CA8: variants seen among roughly 807,000 people sequenced by gnomAD.
The protein encoded by CA8 is carbonic anhydrase-related protein.
CA8 carries 22 observed loss-of-function variants against 41.4 expected under a neutral mutation model. That is an observed-to-expected ratio of 0.53 (90% confidence interval 0.38 to 0.76). The LOEUF (loss-of-function observed/expected upper bound fraction) is 0.76. CA8 is among the 30% of genes least tolerant of loss of function. The probability of loss-of-function intolerance (pLI) is 0.00; values close to 1 mark genes in which losing one functional copy is unlikely to be tolerated. For missense variants in CA8, 270 were observed against 352.8 expected, an observed-to-expected ratio of 0.77 and a Z score of 1.88; for synonymous variants, 121 against 130.6, an observed-to-expected ratio of 0.93 and a Z score of 0.50.
At chr8:60,257,090 G>A (rs777668878) in intron 3 of CA8, among the ~76,000 whole-genome samples, 8 of 151,864 alleles carry the variant, frequency 5.3e-5, no homozygotes, top group East Asian at 1.9e-4. Context: ...AAGCGATATC[G>A]TGCCTTAGTC....
chr8:60,269,120 T>C (rs1014809288), intron 2 of CA8, among the ~76,000 whole-genome samples: 3 of 152,178 alleles, frequency 2.0e-5, no homozygotes, highest in Non-Finnish European at 4.4e-5. Flanking sequence ...GGTAAGAGCA[T>C]TACCTGTTCA....
At chr8:60,254,814 A>T (rs1563372397) in intron 3 of CA8, among the ~76,000 whole-genome samples, 1 of 152,164 alleles carries the variant, frequency 6.6e-6, no homozygotes, top group Non-Finnish European at 1.5e-5. Context: ...GCCCTGGATG[A>T]TTCAAAATCC....
chr8:60,218,383 T>A (rs1474924993), intron 7 of CA8, among the ~76,000 whole-genome samples: 1 of 152,184 alleles, frequency 6.6e-6, no homozygotes, highest in Non-Finnish European at 1.5e-5. Flanking sequence ...GTGTCTTTTT[T>A]ATCTCCCCTT....
intron 2 of CA8, among the ~76,000 whole-genome samples, chr8:60,268,637 T>G (rs960273878): frequency 5.3e-5 from 8 of 152,204 alleles, no homozygotes; most frequent in Non-Finnish European, 1.2e-4. Context: ...AGTTTACTAA[T>G]CCTTCCAACA....
chr8:60,261,402 A>G (rs1004920726), intron 3 of CA8, among the ~76,000 whole-genome samples: 1 of 152,182 alleles, frequency 6.6e-6, no homozygotes, highest in Non-Finnish European at 1.5e-5. Context: ...CAATATGGCT[A>G]GACCTCCTTT....
chr8:60,218,501 A>G (rs918878740), intron 7 of CA8, among the ~76,000 whole-genome samples: 2 of 152,178 alleles, frequency 1.3e-5, no homozygotes, highest in Non-Finnish European at 2.9e-5. Context: ...GTCTCAAAGG[A>G]GCAATTTCAC....
intron 4 of CA8, among the ~76,000 whole-genome samples, chr8:60,229,022 C>A (rs563104382): frequency 1.3e-5 from 2 of 152,216 alleles, no homozygotes; most frequent in African/African-American, 4.8e-5. Flanking sequence ...GATAACACAA[C>A]CTGGTACCAA....
At chr8:60,209,978 G>C (rs1806777394) in intron 7 of CA8, among the ~76,000 whole-genome samples, 1 of 152,136 alleles carries the variant, frequency 6.6e-6, no homozygotes, top group African/African-American at 2.4e-5. Context: ...GCATTCCCCA[G>C]GATTATTCCC....
In CA8 at chr8:60,224,539, G is replaced by C; in HGVS notation, c.623C>G (p.Pro208Arg). 6.4e-7 allele frequency: 1 copy of C among 1,567,784 alleles called. No individual in the cohort carries two copies. Among genetic ancestry groups the C allele is most frequent in the Non-Finnish European group, 8.8e-7 (1 of 1,138,944 alleles). ...TATGCAATCAGGTAAATACTCACCT[G>C]GTAATAAAGTGTTAGGATTAAAGCA... Reference protein sequence around the residue: ...IPCFNPNTLLPDPLLRDYWVY... With the variant: ...IPCFNPNTLLRDPLLRDYWVY... The change falls in exon 6 of 9, where the codon CCA becomes CGA. Residue 208 changes from proline (P) to arginine (R), a missense_variant and splice_region_variant. Pro to Arg is a moderately radical substitution (Grantham distance 103). Coordinates refer to ENST00000317995, the MANE Select transcript of CA8 (RefSeq NM_004056.6).
At chr8:60,218,014 G>A (rs1418311899) in intron 7 of CA8, among the ~76,000 whole-genome samples, 1 of 152,130 alleles carries the variant, frequency 6.6e-6, no homozygotes, top group Non-Finnish European at 1.5e-5. Context: ...CAGCCCTGAG[G>A]CTCAATGAGG....
At chr8:60,192,372 A>G (rs1045165874) in intron 8 of CA8, among the ~76,000 whole-genome samples, 1 of 152,160 alleles carries the variant, frequency 6.6e-6, no homozygotes, top group African/African-American at 2.4e-5. Context: ...GACTGTAATG[A>G]CAGCAGATAT....
Position 60,188,990 on chromosome 8 carries a change from ATATT to A in CA8, c.*1027_*1030del, listed in dbSNP as rs1806040063. 1 of 152,166 alleles carries A rather than the reference ATATT, an allele frequency of 6.6e-6. No individual in the cohort carries two copies. Among genetic ancestry groups the A allele is most frequent in the Admixed American group, 6.6e-5 (1 of 15,260 alleles). 9.4% of individuals were successfully genotyped at this position (152,166 alleles called of 1,614,324 possible). A position where few individuals can be genotyped will look rare whatever the true frequency, so the allele number is the denominator to read the frequency against. ...TACAATTATAACAACAATAACAATAATATTTATTGTTTGCTTTGTGCCAGGTACT... is the reference window on the plus strand; with the variant it reads ...TACAATTATAACAACAATAACAATAATATTGTTTGCTTTGTGCCAGGTACT... On this transcript the variant is annotated 3_prime_UTR_variant, in exon 9 of 9. Coordinates refer to ENST00000317995, the MANE Select transcript of CA8 (RefSeq NM_004056.6).
At chr8:60,275,737 C>G (rs901094655) in intron 2 of CA8, among the ~76,000 whole-genome samples, 3 of 151,954 alleles carry the variant, frequency 2.0e-5, no homozygotes, top group African/African-American at 7.3e-5. Context: ...AAAAACCTAC[C>G]AAGTGCCCAG....
At chr8:60,251,053 G>A (rs1000935103) in intron 3 of CA8, among the ~76,000 whole-genome samples, 1 of 152,122 alleles carries the variant, frequency 6.6e-6, no homozygotes, top group African/African-American at 2.4e-5. Flanking sequence ...AAAATGCTAT[G>A]GAGAAAAACA....
chr8:60,190,957 T>TATATATATATATATATACATACACAC (rs1554573722), intron 8 of CA8, among the ~76,000 whole-genome samples: 1 of 104,192 alleles, frequency 9.6e-6, no homozygotes, highest in Non-Finnish European at 2.1e-5. Context: ...TATATATATA[T>TATATATATATATATATACATACACAC]ACACACACAC....
At chr8:60,239,491 G>GA (rs1324960524) in intron 3 of CA8, among the ~76,000 whole-genome samples, 3 of 152,084 alleles carry the variant, frequency 2.0e-5, no homozygotes, top group African/African-American at 7.2e-5. Flanking sequence ...CAGCTGATGA[G>GA]AAAAAAACAA....
intron 8 of CA8, among the ~76,000 whole-genome samples, chr8:60,197,814 C>T (rs1806323405): frequency 1.3e-5 from 2 of 152,098 alleles, no homozygotes; most frequent in African/African-American, 4.8e-5. Flanking sequence ...TTTGCTACAG[C>T]AGTTTCAATA....
intron 7 of CA8, among the ~76,000 whole-genome samples, chr8:60,219,943 A>C (rs13255170): frequency 4.9e-5 from 7 of 141,414 alleles, no homozygotes; most frequent in East Asian, 2.0e-4. Flanking sequence ...AAAAAAAAAA[A>C]AAAAAAAAAA....
chr8:60,209,298 A>G (rs1806750863), intron 7 of CA8, among the ~76,000 whole-genome samples: 1 of 152,210 alleles, frequency 6.6e-6, no homozygotes, highest in Admixed American at 6.5e-5. Context: ...AGCCTGATCA[A>G]CACGGTGAAA....
Sources: gnomAD v4.1 joint callset for allele counts (sites outside exome capture counted in the v4.1 genomes callset) on GRCh38, gnomAD v4.1.1 for gene constraint, MANE v1.5 for transcripts, NCBI Gene and HGNC (gene_info 2026-07-23, HGNC 2026-07-21) for gene names.